CNTNAP2: variants seen among roughly 807,000 people sequenced by gnomAD.
CNTNAP2 encodes the protein contactin associated protein 2.
In CNTNAP2, 98 loss-of-function variants were observed where a neutral mutation model predicts 155.2. The ratio of observed to expected loss-of-function variants is 0.63; its 90% confidence interval spans 0.54 to 0.75. The LOEUF is 0.75. Among genes scored for constraint, CNTNAP2 ranks in the 30% least tolerant of loss-of-function variants. CNTNAP2 has a pLI of 0.00. For missense variants in CNTNAP2, 1,727 were observed against 1,688.1 expected (o/e 1.02, Z -0.40); for synonymous variants, 651 against 631.2 (o/e 1.03, Z -0.47).
Position 146,193,297 on chromosome 7 carries a change from C to T in CNTNAP2, c.97+76324C>T, listed in dbSNP as rs574115456. Among the ~76,000 whole-genome samples the T allele has an allele frequency of 7.2e-5, 11 of 152,292 alleles. No homozygotes were observed. The South Asian group carries it at 2.3e-3, about 32-fold the overall frequency. Reference sequence around the variant, plus strand: ...GGGGACTCTGTGTGGGGGCTCCAACCCCACATTTCTCTTCTGCACTGCCCT... The same window carrying T: ...GGGGACTCTGTGTGGGGGCTCCAACTCCACATTTCTCTTCTGCACTGCCCT... On this transcript the variant is annotated intron_variant, in intron 1 of 23. Coordinates refer to ENST00000361727, the MANE Select transcript of CNTNAP2 (RefSeq NM_014141.6).
intron 9 of CNTNAP2, among the ~76,000 whole-genome samples, chr7:147,334,563 T>C (rs1435381457): frequency 6.6e-6 from 1 of 152,162 alleles, no homozygotes; most frequent in African/African-American, 2.4e-5. Flanking sequence ...GTGGGTTTGG[T>C]TATGTTCTTT....
chr7:147,712,161 G>A (rs946181313), intron 13 of CNTNAP2, among the ~76,000 whole-genome samples: 2 of 152,082 alleles, frequency 1.3e-5, no homozygotes, highest in African/African-American at 4.8e-5. Flanking sequence ...ATCATCGCTG[G>A]CCATCAGAGA....
intron 3 of CNTNAP2, among the ~76,000 whole-genome samples, chr7:147,030,103 G>C (rs535909808): frequency 6.6e-6 from 1 of 152,326 alleles, no homozygotes; most frequent in African/African-American, 2.4e-5. Flanking sequence ...GAGTAAGCTT[G>C]TCAGTAGGGA....
chr7:148,006,014 A>G (rs878950432), intron 15 of CNTNAP2, among the ~76,000 whole-genome samples: 4 of 152,182 alleles, frequency 2.6e-5, no homozygotes, highest in Admixed American at 6.5e-5. Flanking sequence ...TCAAGTCTGT[A>G]TCACTTTATA....
At chr7:147,545,298 T>G (rs1371843763) in intron 11 of CNTNAP2, among the ~76,000 whole-genome samples, 1 of 152,170 alleles carries the variant, frequency 6.6e-6, no homozygotes, top group African/African-American at 2.4e-5. Context: ...GATGTTTACT[T>G]TCAGCATTTT....
intron 11 of CNTNAP2, among the ~76,000 whole-genome samples, chr7:147,499,095 T>G (rs1284103022): frequency 2.0e-5 from 3 of 152,212 alleles, no homozygotes; most frequent in African/African-American, 7.2e-5. Flanking sequence ...TATTTGAATC[T>G]TGAGAAATCT....
chr7:147,083,969 T>TAATAC lies in CNTNAP2; in HGVS notation c.551-24178_551-24177insAATAC, dbSNP rs1341326004. Among the ~76,000 whole-genome samples the TAATAC allele has an allele frequency of 3.6e-5, 5 of 138,810 alleles. No individual in the cohort carries two copies. The East Asian group carries it at 6.3e-4, about 18-fold the overall frequency. The allele number at this position is 138,810 out of a possible 152,430, so 91.1% of individuals were successfully genotyped here. A position where few individuals can be genotyped will look rare whatever the true frequency, so the allele number is the denominator to read the frequency against. ...ATAGCATTATATATAGCATTATATA[T>TAATAC]GTGTATACACATATATGTATATATA... is the stretch of plus-strand genomic sequence containing the variant. On this transcript the variant is annotated intron_variant, in intron 4 of 23. Transcript: ENST00000361727.
At chr7:147,462,871 C>T (rs1168427158) in intron 10 of CNTNAP2, among the ~76,000 whole-genome samples, 7 of 152,110 alleles carry the variant, frequency 4.6e-5, no homozygotes, top group Non-Finnish European at 7.3e-5. Flanking sequence ...CTCCGCCTCC[C>T]GGGTTCACGT....
At chr7:146,240,493 AATG>A (rs959769432) in intron 1 of CNTNAP2, among the ~76,000 whole-genome samples, 2 of 151,892 alleles carry the variant, frequency 1.3e-5, no homozygotes, top group African/African-American at 4.8e-5. Context: ...TTAATAATTT[AATG>A]ATAATGTCTT....
intron 14 of CNTNAP2, among the ~76,000 whole-genome samples, chr7:147,906,102 T>G (rs1481859806): frequency 6.6e-6 from 1 of 152,146 alleles, no homozygotes; most frequent in Non-Finnish European, 1.5e-5. Flanking sequence ...GAACTGTCTG[T>G]GCAGTTGACA....
intron 13 of CNTNAP2, among the ~76,000 whole-genome samples, chr7:147,763,155 A>T (rs1415068678): frequency 1.3e-5 from 2 of 151,770 alleles, no homozygotes; most frequent in East Asian, 3.9e-4. Flanking sequence ...GCTACTCGGG[A>T]GGCTGAGACA....
intron 21 of CNTNAP2, among the ~76,000 whole-genome samples, chr7:148,363,683 C>T (rs1242352190): frequency 6.6e-6 from 1 of 152,098 alleles, no homozygotes; most frequent in South Asian, 2.1e-4. Context: ...CGCTTGCTCT[C>T]GGCACCTCCC....
intron 13 of CNTNAP2, among the ~76,000 whole-genome samples, chr7:147,872,312 C>T (rs1169799504): frequency 4.6e-5 from 7 of 152,290 alleles, no homozygotes; most frequent in African/African-American, 1.7e-4. Flanking sequence ...AGCCCACAAG[C>T]ACCAATTTCA....
At chr7:147,615,091 C>CAAA (rs71183021) in intron 12 of CNTNAP2, among the ~76,000 whole-genome samples, 1 of 123,120 alleles carries the variant, frequency 8.1e-6, no homozygotes, top group South Asian at 2.7e-4. Context: ...CCATCTTTAT[C>CAAA]AAAAAAAAAA....
intron 8 of CNTNAP2, among the ~76,000 whole-genome samples, chr7:147,211,827 A>T (rs1603453): frequency 0.14 from 22,010 of 152,046 alleles, 1,941 homozygotes; most frequent in African/African-American, 0.25. Flanking sequence ...ACTAAAGAAA[A>T]TGTGTACAGC....
chr7:147,346,215 C>T (rs940424450), intron 9 of CNTNAP2, among the ~76,000 whole-genome samples: 5 of 148,686 alleles, frequency 3.4e-5, no homozygotes, highest in Non-Finnish European at 4.4e-5. Flanking sequence ...ACTGCAGTGG[C>T]GCAATCTCGG....
intron 13 of CNTNAP2, among the ~76,000 whole-genome samples, chr7:147,854,913 A>G (rs1799011415): frequency 6.6e-6 from 1 of 152,192 alleles, no homozygotes; most frequent in Admixed American, 6.5e-5. Flanking sequence ...CTCTCAGTAC[A>G]AAATACATAA....
At chr7:147,639,761 G>T (rs958110998) in intron 13 of CNTNAP2, among the ~76,000 whole-genome samples, 11 of 152,194 alleles carry the variant, frequency 7.2e-5, no homozygotes, top group African/African-American at 2.7e-4. Context: ...GTACCTGTTT[G>T]TCTCAAGAAG....
chr7:147,931,523 C>T (rs1469347390), intron 14 of CNTNAP2, among the ~76,000 whole-genome samples: 2 of 152,130 alleles, frequency 1.3e-5, no homozygotes, highest in African/African-American at 4.8e-5. Context: ...CCCTGCTGAA[C>T]ATAGATGCAA....
Sources: allele counts gnomAD v4.1 joint callset (sites outside exome capture counted in the v4.1 genomes callset), GRCh38; gene constraint gnomAD v4.1.1; transcripts MANE v1.5; gene names NCBI Gene and HGNC (gene_info 2026-07-23, HGNC 2026-07-21).